The following COPS7B variants were observed in gnomAD, a reference collection of about 807,000 sequenced individuals.
COPS7B encodes the protein COP9 signalosome complex subunit 7b.
Under a neutral mutation model 33.4 loss-of-function variants are expected in COPS7B, and 9 were observed. That is an observed-to-expected ratio of 0.27 (90% confidence interval 0.16 to 0.47). COPS7B has a LOEUF of 0.47. COPS7B is among the 20% of genes least tolerant of loss of function. The pLI is 0.99. For missense variants in COPS7B, 242 were observed against 318.2 expected (o/e 0.76, Z 1.82); for synonymous variants, 119 against 126.3 (o/e 0.94, Z 0.39).
At chr2:231,783,191 C>G (rs1384868127), upstream of COPS7B, among the ~76,000 whole-genome samples, 1 of 152,140 alleles carries the variant, frequency 6.6e-6, no homozygotes, top group Admixed American at 6.6e-5. Flanking sequence ...CCACTGTTGG[C>G]GGGCATTTGG....
At chr2:231,792,523 A>G (rs2049447458) in intron 3 of COPS7B, among the ~76,000 whole-genome samples, 1 of 152,126 alleles carries the variant, frequency 6.6e-6, no homozygotes, top group Admixed American at 6.5e-5. Flanking sequence ...TGTCACTCAT[A>G]TGTTGCTCAG....
At chr2:231,803,576 A>G (rs549789582) in intron 6 of COPS7B, among the ~76,000 whole-genome samples, 1 of 152,328 alleles carries the variant, frequency 6.6e-6, no homozygotes, top group Non-Finnish European at 1.5e-5. Context: ...GCATCTGAAT[A>G]ACAGGGGAAA....
At chr2:231,788,440 TTTTC>T (rs1215613356) in intron 1 of COPS7B, 111 bp from the exon 2 acceptor site, 4 of 1,019,702 alleles carry the variant, frequency 3.9e-6, no homozygotes, top group Non-Finnish European at 5.6e-6. Flanking sequence ...TTGTCCTGTT[TTTTC>T]TTTATCAACA....
intron 6 of COPS7B, among the ~76,000 whole-genome samples, chr2:231,805,467 TA>T (rs1448733493): frequency 4.8e-5 from 7 of 147,030 alleles, no homozygotes; most frequent in Non-Finnish European, 7.5e-5. Flanking sequence ...TATATATATA[TA>T]TTTATATATT....
intron 6 of COPS7B, 49 bp from the exon 7 acceptor site, chr2:231,807,438 T>C (rs2049925750): frequency 6.6e-7 from 1 of 1,525,292 alleles, no homozygotes; most frequent in East Asian, 2.4e-5. Context: ...GAGCAAGTTT[T>C]GGTGAGCACA....
chr2:231,807,336 A>G (rs1298534910), intron 6 of COPS7B, 151 bp from the exon 7 acceptor site: 9 of 700,532 alleles, frequency 1.3e-5, no homozygotes. Flanking sequence ...TGAGTAGCCC[A>G]GGCTCGTTTC....
At chr2:231,801,038 G>A (rs1047313763) in intron 6 of COPS7B, 46 of 914,732 alleles carry the variant, frequency 5.0e-5, no homozygotes, top group Non-Finnish European at 6.3e-5. Context: ...TGATTCTGTC[G>A]TATTCTGTTT....
intron 2 of COPS7B, chr2:231,790,995 C>T (rs2049400083): frequency 6.5e-6 from 1 of 154,340 alleles, no homozygotes; most frequent in South Asian, 2.0e-4. Flanking sequence ...GCCTCGGCCT[C>T]CCAAAGTGCT....
At chr2:231,806,148 C>T (rs1382886551) in intron 6 of COPS7B, among the ~76,000 whole-genome samples, 3 of 152,036 alleles carry the variant, frequency 2.0e-5, no homozygotes, top group Admixed American at 6.6e-5. Context: ...CAATTTTTGT[C>T]TCACCCTCAT....
At chr2:231,787,844 C>G (rs2049295833) in intron 1 of COPS7B, among the ~76,000 whole-genome samples, 1 of 152,196 alleles carries the variant, frequency 6.6e-6, no homozygotes, top group South Asian at 2.1e-4. Context: ...TAACTGATTG[C>G]TTTTGCTTAC....
chr2:231,784,685 G>A (rs1463902520), upstream of COPS7B, among the ~76,000 whole-genome samples: 4 of 152,082 alleles, frequency 2.6e-5, no homozygotes, highest in Non-Finnish European at 4.4e-5. Context: ...GCCTCCCAGC[G>A]CAGAATCCTG....
Position 231,798,942 on chromosome 2 carries a change from C to A in COPS7B, c.614C>A (p.Thr205Asn). Reference sequence around the variant, plus strand: ...CAGTACAAAGAGAACCACAACCGAACTCAGCAGCAGGTAGAAGCAGAGGTA... The same window carrying A: ...CAGTACAAAGAGAACCACAACCGAAATCAGCAGCAGGTAGAAGCAGAGGTA... ...ANQYKENHNR[T>N]QQQVEAEVTN... Residue 205 changes from threonine to asparagine, a missense_variant, in exon 6 of 7, where the codon ACT (threonine) becomes AAT (asparagine). Coordinates refer to ENST00000350033, the MANE Select transcript of COPS7B (RefSeq NM_022730.4). 1 of 1,614,154 alleles carries A rather than the reference C, an allele frequency of 6.2e-7. No individual in the cohort carries two copies. The highest frequency in any genetic ancestry group is 8.5e-7 in the Non-Finnish European group (1 of 1,179,988).
chr2:231,781,988 G>A (rs759593870), upstream of COPS7B: 64 of 1,068,904 alleles, frequency 6.0e-5, 1 homozygote, highest in Admixed American at 4.1e-4. Flanking sequence ...CCTTTTACAT[G>A]TATTTCAGGG....
intron 6 of COPS7B, among the ~76,000 whole-genome samples, chr2:231,803,098 G>A (rs907317241): frequency 1.3e-5 from 2 of 152,248 alleles, no homozygotes; most frequent in African/African-American, 4.8e-5. Context: ...GGAGTGAGGT[G>A]TGTGCATCTG....
Position 231,808,530 on chromosome 2 carries a change from T to C in COPS7B, c.*885T>C. ...GTGGCATCGATGCCCCTCTGTCTGC[T>C]GAAGGACCTGTTGCTGCTTCTGTCT... On this transcript the variant is annotated 3_prime_UTR_variant, in exon 7 of 7. Transcript: ENST00000350033. The C allele has an allele frequency of 4.2e-6, 2 of 471,274 alleles. No homozygotes were observed. The highest frequency in any genetic ancestry group is 8.8e-6 in the Non-Finnish European group (2 of 227,076). The allele number at this position is 471,274 out of a possible 1,614,324, so 29.2% of individuals were successfully genotyped here. A position where few individuals can be genotyped will look rare whatever the true frequency, so the allele number is the denominator to read the frequency against.
chr2:231,793,341 A>C (rs145428720), intron 3 of COPS7B, among the ~76,000 whole-genome samples: 1 of 152,228 alleles, frequency 6.6e-6, no homozygotes, highest in African/African-American at 2.4e-5. Context: ...CACCAGGTGA[A>C]TTTCAGCACC....
Position 231,807,759 on chromosome 2 carries a change from C to A in COPS7B, c.*114C>A. 1.1e-6 allele frequency: 1 copy of A among 937,414 alleles called. No individual in the cohort carries two copies. The highest frequency in any genetic ancestry group is 1.6e-6 in the Non-Finnish European group (1 of 643,168). The allele number at this position is 937,414 out of a possible 1,614,324, so 58.1% of individuals were successfully genotyped here. A position where few individuals can be genotyped will look rare whatever the true frequency, so the allele number is the denominator to read the frequency against. ...TGAGTTCCAGACCTGCCCGTCCCCT[C>A]ACCAGCGCCTCCCCACCCTGTTGGT... On this transcript the variant is annotated 3_prime_UTR_variant, in exon 7 of 7. Transcript: ENST00000350033.
chr2:231,795,528 A>C (rs1240900789), intron 4 of COPS7B, among the ~76,000 whole-genome samples: 1 of 152,234 alleles, frequency 6.6e-6, no homozygotes, highest in African/African-American at 2.4e-5. Context: ...AGTGTAGTAA[A>C]GAATGTTGGT....
intron 3 of COPS7B, among the ~76,000 whole-genome samples, chr2:231,792,952 C>T (rs2049461044): frequency 1.3e-5 from 2 of 152,186 alleles, no homozygotes; most frequent in Non-Finnish European, 2.9e-5. Flanking sequence ...GTTCCTGGTA[C>T]ACCACATTTT....
Sources: gnomAD v4.1 joint callset for allele counts (sites outside exome capture counted in the v4.1 genomes callset) on GRCh38, gnomAD v4.1.1 for gene constraint, MANE v1.5 for transcripts, NCBI Gene and HGNC (gene_info 2026-07-23, HGNC 2026-07-21) for gene names.